The following EXT1 variants were observed in gnomAD, a reference collection of about 807,000 sequenced individuals.
EXT1 encodes the protein exostosin glycosyltransferase 1.
A neutral mutation model predicts 82.5 loss-of-function variants in EXT1; 20 were observed. The ratio of observed to expected loss-of-function variants is 0.24; its 90% CI spans 0.17 to 0.35. The LOEUF (loss-of-function observed/expected upper bound fraction) is 0.35, where lower values mean the gene tolerates loss of function less well. Among genes scored for constraint, EXT1 ranks in the 10% least tolerant of loss-of-function variants. The pLI, the probability that EXT1 is intolerant of heterozygous loss-of-function variation, is 1.00. For missense variants in EXT1, 757 were observed against 936.5 expected (o/e 0.81, Z 2.50); for synonymous variants, 348 against 350.8 (o/e 0.99, Z 0.09).
intron 1 of EXT1, among the ~76,000 whole-genome samples, chr8:117,933,462 T>C (rs986280234): frequency 1.3e-5 from 2 of 152,166 alleles, no homozygotes; most frequent in African/African-American, 4.8e-5. Context: ...GGCAGGCTGT[T>C]CTCCAAATCG....
At position 118,110,763 on chromosome 8, in the gene EXT1, C is replaced by T. The variant is rs2130044465; in HGVS notation, c.284G>A (p.Gly95Asp). ...GCAGGACTCCATGCGGCACTTCTTG[C>T]CTTTGTAGATGCTGGAGTTGGCATC... is the stretch of plus-strand genomic sequence containing the variant. ...KRDANSSIYKGKKCRMESCFD... is the reference protein window; with the variant it reads ...KRDANSSIYKDKKCRMESCFD... The change falls in exon 1 of 11, where the codon GGC becomes GAC. Residue 95 changes from glycine (G) to aspartate (D), a missense_variant. This residue lies in a region of EXT1 where 175 missense variants were observed against 159.0 expected (regional missense o/e 1.10). Transcript: ENST00000378204. 6.2e-7 allele frequency: 1 copy of T among 1,614,136 alleles called. No individual in the cohort carries two copies. Among genetic ancestry groups the T allele is most frequent in the South Asian group, 1.1e-5 (1 of 91,080 alleles).
chr8:118,026,866 A>G (rs1021956549), intron 1 of EXT1, among the ~76,000 whole-genome samples: 1 of 152,226 alleles, frequency 6.6e-6, no homozygotes, highest in African/African-American at 2.4e-5. Flanking sequence ...CCATTTGGAA[A>G]CACAAAACAG....
At chr8:118,080,888 C>T (rs371539928) in intron 1 of EXT1, among the ~76,000 whole-genome samples, 1 of 152,084 alleles carries the variant, frequency 6.6e-6, no homozygotes, top group East Asian at 1.9e-4. Flanking sequence ...ATTAACACAT[C>T]ATCTCTCCAT....
intron 1 of EXT1, among the ~76,000 whole-genome samples, chr8:118,096,016 C>G (rs1271515762): frequency 6.6e-6 from 1 of 152,174 alleles, no homozygotes; most frequent in Non-Finnish European, 1.5e-5. Flanking sequence ...CATTAGCAGC[C>G]TGATAGCTCA....
Position 117,806,407 on chromosome 8 carries a change from T to C in EXT1, c.1883+810A>G, listed in dbSNP as rs568339746. Among the ~76,000 whole-genome samples the C allele has an allele frequency of 9.2e-5, 14 of 152,188 alleles. No individual in the cohort carries two copies. The South Asian group carries it at 2.7e-3, about 29-fold the overall frequency. Reference sequence around the variant, plus strand: ...GCCTACAGTATTCGGTACAGTGACATGCTGTACATGTCACACCCTGTTCAA... The same window carrying C: ...GCCTACAGTATTCGGTACAGTGACACGCTGTACATGTCACACCCTGTTCAA... On this transcript the variant is annotated intron_variant, in intron 9 of 10. Coordinates refer to ENST00000378204, the MANE Select transcript of EXT1 (RefSeq NM_000127.3).
chr8:118,074,619 G>A (rs1459274455), intron 1 of EXT1, among the ~76,000 whole-genome samples: 1 of 151,342 alleles, frequency 6.6e-6, no homozygotes, highest in African/African-American at 2.4e-5. Context: ...ACATTGAATT[G>A]AGCGAGCCCG....
chr8:117,955,039 G>A (rs1814560515), intron 1 of EXT1, among the ~76,000 whole-genome samples: 1 of 152,146 alleles, frequency 6.6e-6, no homozygotes, highest in South Asian at 2.1e-4. Context: ...TTTGCTAGAA[G>A]GGGTCACAGA....
intron 1 of EXT1, among the ~76,000 whole-genome samples, chr8:118,088,882 C>T (rs1284844634): frequency 6.6e-6 from 1 of 152,132 alleles, no homozygotes; most frequent in Non-Finnish European, 1.5e-5. Flanking sequence ...TTGTATCTGG[C>T]AGCCCGCTTT....
At chr8:117,919,666 G>A (rs1283843854) in intron 1 of EXT1, among the ~76,000 whole-genome samples, 1 of 151,834 alleles carries the variant, frequency 6.6e-6, no homozygotes, top group African/African-American at 2.4e-5. Context: ...TACTATATTT[G>A]GCTAATTTTT....
At chr8:117,940,162 A>C (rs1280191964) in intron 1 of EXT1, among the ~76,000 whole-genome samples, 1 of 152,236 alleles carries the variant, frequency 6.6e-6, no homozygotes. Flanking sequence ...TCATCCAAGA[A>C]GTAATACTTG....
chr8:117,864,959 T>TAAAA (rs201292379), intron 1 of EXT1, among the ~76,000 whole-genome samples: 5 of 151,678 alleles, frequency 3.3e-5, no homozygotes, highest in African/African-American at 1.2e-4. Context: ...TGTTTTTTTT[T>TAAAA]AAAAAAATAG....
intron 1 of EXT1, among the ~76,000 whole-genome samples, chr8:117,951,129 G>GGAGAAAGTGA (rs1357239913): frequency 6.6e-6 from 1 of 152,194 alleles, no homozygotes; most frequent in Non-Finnish European, 1.5e-5. Flanking sequence ...CTCTGTAAAA[G>GGAGAAAGTGA]GAGAAAGTGA....
At chr8:118,069,995 G>C (rs1817059414) in intron 1 of EXT1, among the ~76,000 whole-genome samples, 1 of 152,156 alleles carries the variant, frequency 6.6e-6, no homozygotes, top group African/African-American at 2.4e-5. Context: ...GCTTTAAGCA[G>C]AAAAGGTGAT....
chr8:118,077,666 G>C (rs1006746555), intron 1 of EXT1, among the ~76,000 whole-genome samples: 1 of 152,062 alleles, frequency 6.6e-6, no homozygotes, highest in African/African-American at 2.4e-5. Flanking sequence ...AATAAAAACA[G>C]AATTAACCTA....
chr8:117,839,547 T>G (rs556864450), intron 1 of EXT1, among the ~76,000 whole-genome samples: 2 of 152,320 alleles, frequency 1.3e-5, no homozygotes, highest in East Asian at 3.9e-4. Context: ...ACATGTACAC[T>G]CATACCTTAG....
chr8:118,009,648 G>A (rs1026568367), intron 1 of EXT1, among the ~76,000 whole-genome samples: 1 of 152,230 alleles, frequency 6.6e-6, no homozygotes, highest in African/African-American at 2.4e-5. Flanking sequence ...TACCACCTGA[G>A]CTCTGCCTCC....
At chr8:118,063,850 A>C (rs939444303) in intron 1 of EXT1, among the ~76,000 whole-genome samples, 7 of 150,768 alleles carry the variant, frequency 4.6e-5, no homozygotes, top group African/African-American at 1.2e-4. Flanking sequence ...GCTACACTTT[A>C]TTTATTTACT....
At chr8:117,994,983 C>T (rs990820299) in intron 1 of EXT1, among the ~76,000 whole-genome samples, 12 of 152,120 alleles carry the variant, frequency 7.9e-5, no homozygotes, top group Middle Eastern at 6.3e-3. Flanking sequence ...CCAAAAAATG[C>T]TATATAGAAG....
At chr8:117,879,365 T>TA (rs1813022643) in intron 1 of EXT1, among the ~76,000 whole-genome samples, 1 of 152,138 alleles carries the variant, frequency 6.6e-6, no homozygotes, top group African/African-American at 2.4e-5. Flanking sequence ...CTGGAGAAGT[T>TA]AGAGAAAACT....
Sources: gnomAD v4.1 joint callset for allele counts (sites outside exome capture counted in the v4.1 genomes callset) on GRCh38, gnomAD v4.1.1 for gene constraint, gnomAD v4.1.1 regional missense constraint, MANE v1.5 for transcripts, NCBI Gene and HGNC (gene_info 2026-07-23, HGNC 2026-07-21) for gene names.